The following IGLL5 variants were observed in gnomAD, a reference collection of about 807,000 sequenced individuals.
IGLL5 encodes the protein immunoglobulin lambda like polypeptide 5.
IGLL5 carries 30 observed loss-of-function variants against 20.9 expected under a neutral mutation model. The ratio of observed to expected loss-of-function variants is 1.44; its 90% CI spans 1.07 to 1.95. The LOEUF (loss-of-function observed/expected upper bound fraction) is 1.95, where lower values mean the gene tolerates loss of function less well. Ranked by LOEUF, IGLL5 falls within the 30% of genes most tolerant of loss-of-function variation. The probability of loss-of-function intolerance (pLI) is 0.00; values close to 1 mark genes in which losing one functional copy is unlikely to be tolerated. For missense variants in IGLL5, 475 were observed against 270.7 expected, an observed-to-expected ratio of 1.75 and a Z score of -5.30; for synonymous variants, 203 against 117.3, an observed-to-expected ratio of 1.73 and a Z score of -4.72.
At chr22:22,888,534 T>G (rs574527826) in intron 1 of IGLL5, among the ~76,000 whole-genome samples, 3 of 151,372 alleles carry the variant, frequency 2.0e-5, no homozygotes, top group African/African-American at 4.8e-5. Flanking sequence ...AATCACCTAG[T>G]CCTAGTCCTC....
rs147797426 is a variant in IGLL5 at position 22,894,298 on chromosome 22, G to A, written c.325+480G>A. On this transcript the variant is annotated intron_variant, in intron 2 of 2. Coordinates refer to ENST00000526893, the MANE Select transcript of IGLL5 (RefSeq NM_001178126.2). ...CCAGCCTGGGAGGGCCACACGGCCTGGTGACACAGAGGTCACCCCAAGGGG... is the reference window on the plus strand; with the variant it reads ...CCAGCCTGGGAGGGCCACACGGCCTAGTGACACAGAGGTCACCCCAAGGGG... 1.3e-3 allele frequency among the ~76,000 whole-genome samples: 190 copies of A among 151,374 alleles called. 1 individual carries two copies. Among genetic ancestry groups the A allele is most frequent in the African/African-American group, 4.2e-3 (172 of 41,322 alleles).
At chr22:22,894,238 C>G (rs979485574) in intron 2 of IGLL5, among the ~76,000 whole-genome samples, 8 of 151,052 alleles carry the variant, frequency 5.3e-5, no homozygotes, top group South Asian at 2.1e-4. Flanking sequence ...GCCCCAAGAA[C>G]AGCTGAGGGT....
chr22:22,893,978 TAAC>T, intron 2 of IGLL5, among the ~76,000 whole-genome samples, 160 bp downstream of exon 2: 1 of 151,270 alleles, frequency 6.6e-6, no homozygotes, highest in Middle Eastern at 3.8e-3. Flanking sequence ...AGTCTCCGGG[TAAC>T]CGGCAGGAAG....
intron 2 of IGLL5, 47 bp downstream of exon 2, chr22:22,893,865 C>A (rs775296665): frequency 3.1e-6 from 4 of 1,292,738 alleles, no homozygotes; most frequent in Non-Finnish European, 4.5e-6. Context: ...CTCTGCTGTC[C>A]CTGGAAAATC....
Position 22,896,021 on chromosome 22 carries a change from C to T in IGLL5, c.*327C>T, listed in dbSNP as rs1038029657. ...ACCCCTTCTCCAACTCTCCACTGTA[C>T]CCCTGAGCTACCAGTCTGGCATCAG... is the stretch of plus-strand genomic sequence containing the variant. On this transcript the variant is annotated 3_prime_UTR_variant, in exon 3 of 3. Coordinates refer to ENST00000526893, the MANE Select transcript of IGLL5 (RefSeq NM_001178126.2). The T allele has an allele frequency of 7.3e-5, 37 of 509,630 alleles. No individual in the cohort carries two copies. The highest frequency in any genetic ancestry group is 6.4e-4 in the African/African-American group (33 of 51,838). 31.6% of individuals were successfully genotyped at this position (509,630 alleles called of 1,614,324 possible).
intron 2 of IGLL5, among the ~76,000 whole-genome samples, chr22:22,894,274 C>T (rs532332900): frequency 3.3e-5 from 5 of 150,926 alleles, no homozygotes; most frequent in Middle Eastern, 3.8e-3. Flanking sequence ...GATGCCAATC[C>T]AGCCTGGGAG....
chr22:22,891,949 T>C (rs2067861305), intron 1 of IGLL5, among the ~76,000 whole-genome samples: 1 of 151,098 alleles, frequency 6.6e-6, no homozygotes, highest in Non-Finnish European at 1.5e-5. Flanking sequence ...ATCACACCAT[T>C]TGCCAAGAAC....
chr22:22,889,212 C>G (rs187758396), intron 1 of IGLL5, among the ~76,000 whole-genome samples: 1 of 151,074 alleles, frequency 6.6e-6, no homozygotes, highest in South Asian at 2.1e-4. Flanking sequence ...CTGGAGGAAG[C>G]CGTGCCTTGG....
intron 1 of IGLL5, among the ~76,000 whole-genome samples, chr22:22,889,345 A>G (rs9620187): frequency 6.6e-6 from 1 of 151,110 alleles, no homozygotes; most frequent in Admixed American, 6.6e-5. Flanking sequence ...GTCTATGGGC[A>G]TTAAAAATGT....
chr22:22,894,066 C>G (rs557300153), intron 2 of IGLL5, among the ~76,000 whole-genome samples: 1 of 151,486 alleles, frequency 6.6e-6, no homozygotes, highest in Non-Finnish European at 1.5e-5. Flanking sequence ...GTCAGGGCTC[C>G]TCCTCTCTTC....
chr22:22,892,612 G>A (rs6003381), intron 1 of IGLL5, among the ~76,000 whole-genome samples: 1 of 150,842 alleles, frequency 6.6e-6, no homozygotes, highest in Non-Finnish European at 1.5e-5. Context: ...TATACAGAAA[G>A]AAGTTTAGTT....
At chr22:22,892,995 G>A (rs1489732437) in intron 1 of IGLL5, among the ~76,000 whole-genome samples, 3 of 151,102 alleles carry the variant, frequency 2.0e-5, no homozygotes, top group African/African-American at 7.3e-5. Context: ...AAGGACTGTT[G>A]GCCTTAACCA....
At chr22:22,889,350 A>C (rs1423197939) in intron 1 of IGLL5, among the ~76,000 whole-genome samples, 3 of 151,174 alleles carry the variant, frequency 2.0e-5, no homozygotes, top group East Asian at 2.0e-4. Context: ...TGGGCATTAA[A>C]AATGTATAAC....
At chr22:22,888,358 A>G (rs187609467) in intron 1 of IGLL5, 99 bp downstream of exon 1, 9 of 1,129,490 alleles carry the variant, frequency 8.0e-6, no homozygotes, top group African/African-American at 3.1e-5. Context: ...GAGGAAGGTT[A>G]ACCCCTAAGA....
intron 2 of IGLL5, among the ~76,000 whole-genome samples, chr22:22,894,068 CCT>C: frequency 6.6e-6 from 1 of 151,488 alleles, no homozygotes; most frequent in African/African-American, 2.4e-5. Flanking sequence ...CAGGGCTCCT[CCT>C]CTCTTCCAGG....
chr22:22,888,198 G>T lies in IGLL5; in HGVS notation c.145G>T (p.Asp49Tyr). The T allele has an allele frequency of 6.5e-7, 1 of 1,548,772 alleles. No homozygotes were observed. The highest frequency in any genetic ancestry group is 8.7e-7 in the Non-Finnish European group (1 of 1,146,544). Residue 49 changes from aspartate (D) to tyrosine (Y), a missense_variant, in exon 1 of 3, where the codon GAC (aspartate) becomes TAC (tyrosine). Physicochemically the swap from Asp to Tyr is radical, Grantham distance 160. Coordinates refer to ENST00000526893, the MANE Select transcript of IGLL5 (RefSeq NM_001178126.2). ...LRPMVAPQSG[D>Y]PDPGASVGSS... ...CCCAATGGTTGCACCGCAAAGCGGG[G>T]ACCCAGACCCTGGAGCCTCAGTTGG...
At chr22:22,895,181 C>T (rs1395859706) in intron 2 of IGLL5, among the ~76,000 whole-genome samples, 194 bp from the exon 3 acceptor site, 1 of 151,308 alleles carries the variant, frequency 6.6e-6, no homozygotes, top group East Asian at 2.0e-4. Context: ...CTTGGGAGGG[C>T]TCCTAGGAAG....
chr22:22,889,135 T>C (rs576545782), intron 1 of IGLL5, among the ~76,000 whole-genome samples: 5 of 151,106 alleles, frequency 3.3e-5, no homozygotes, highest in South Asian at 2.1e-4. Flanking sequence ...GATTGGAGGC[T>C]GATGCGACGC....
At chr22:22,894,748 G>A (rs535200930) in intron 2 of IGLL5, among the ~76,000 whole-genome samples, 1 of 151,386 alleles carries the variant, frequency 6.6e-6, no homozygotes, top group African/African-American at 2.4e-5. Context: ...GGGTTCTGTG[G>A]TCGGGCTTGT....
Sources: allele counts gnomAD v4.1 joint callset (sites outside exome capture counted in the v4.1 genomes callset), GRCh38; gene constraint gnomAD v4.1.1; transcripts MANE v1.5; gene names NCBI Gene and HGNC (gene_info 2026-07-23, HGNC 2026-07-21).